SYN3: variants seen among roughly 807,000 people sequenced by gnomAD.
The protein encoded by SYN3 is synapsin III.
A neutral mutation model predicts 65.8 loss-of-function variants in SYN3; 35 were observed. The ratio of observed to expected loss-of-function variants is 0.53; its 90% CI spans 0.41 to 0.70. The LOEUF is 0.70. Among genes scored for constraint, SYN3 ranks in the 30% least tolerant of loss-of-function variants. The pLI is 0.00. For missense variants in SYN3, 680 were observed against 749.0 expected, an observed-to-expected ratio of 0.91 and a Z score of 1.08; for synonymous variants, 270 against 292.9, an observed-to-expected ratio of 0.92 and a Z score of 0.80.
chr22:32,792,325 A>T (rs539770474), intron 6 of SYN3, among the ~76,000 whole-genome samples: 1 of 152,270 alleles, frequency 6.6e-6, no homozygotes, highest in South Asian at 2.1e-4. Flanking sequence ...ATTCCATGGG[A>T]AATTTTGAGA....
intron 6 of SYN3, among the ~76,000 whole-genome samples, chr22:32,824,607 G>A (rs1176022508): frequency 1.3e-5 from 2 of 152,192 alleles, no homozygotes; most frequent in African/African-American, 4.8e-5. Context: ...TTGAACTCAG[G>A]CTGGTTAGAG....
intron 12 of SYN3, chr22:32,518,619 ATAGCT>A (rs1018923635): frequency 9.4e-6 from 5 of 533,786 alleles, no homozygotes; most frequent in African/African-American, 3.8e-5. Flanking sequence ...GCTGAACAAA[ATAGCT>A]TAGAATACAG....
intron 6 of SYN3, among the ~76,000 whole-genome samples, chr22:32,656,083 C>A (rs1315201046): frequency 2.0e-5 from 3 of 152,202 alleles, no homozygotes; most frequent in Non-Finnish European, 2.9e-5. Flanking sequence ...GTGGTAGATG[C>A]ACAAAAACCA....
intron 7 of SYN3, among the ~76,000 whole-genome samples, chr22:32,556,358 G>A (rs2058495406): frequency 3.9e-5 from 6 of 152,112 alleles, no homozygotes; most frequent in Admixed American, 1.3e-4. Context: ...TCTCCCACGT[G>A]ATTTTCACAT....
At chr22:33,056,813 T>C (rs1465008825) in intron 1 of SYN3, among the ~76,000 whole-genome samples, 1 of 151,404 alleles carries the variant, frequency 6.6e-6, no homozygotes, top group African/African-American at 2.4e-5. Flanking sequence ...GCCCTTGTTC[T>C]TTCTACTACA....
chr22:32,797,981 G>A (rs2046469862), intron 6 of SYN3, among the ~76,000 whole-genome samples: 2 of 152,196 alleles, frequency 1.3e-5, no homozygotes, highest in East Asian at 1.9e-4. Flanking sequence ...GCAACATTGG[G>A]AACAAATCTC....
chr22:32,663,867 A>T (rs2147021953), intron 6 of SYN3, among the ~76,000 whole-genome samples: 1 of 152,328 alleles, frequency 6.6e-6, no homozygotes, highest in Admixed American at 6.5e-5. Context: ...CAGCATTATG[A>T]CAAGTCAAGA....
chr22:32,750,729 C>G (rs1205174069), intron 6 of SYN3, among the ~76,000 whole-genome samples: 1 of 152,130 alleles, frequency 6.6e-6, no homozygotes, highest in Admixed American at 6.5e-5. Context: ...CTGGAGGGAT[C>G]TGGACCTTGG....
At chr22:33,045,778 T>G (rs2054053441) in intron 1 of SYN3, among the ~76,000 whole-genome samples, 1 of 151,980 alleles carries the variant, frequency 6.6e-6, no homozygotes, top group Non-Finnish European at 1.5e-5. Flanking sequence ...TCTCACTTCT[T>G]TCACCCCAAG....
intron 10 of SYN3, among the ~76,000 whole-genome samples, chr22:32,532,507 C>T (rs1366219806): frequency 6.6e-6 from 1 of 152,298 alleles, no homozygotes; most frequent in Non-Finnish European, 1.5e-5. Context: ...GAGAGCTGTT[C>T]TCCAGAGTGG....
chr22:32,826,484 T>C (rs1035681879), intron 6 of SYN3, among the ~76,000 whole-genome samples: 2 of 151,904 alleles, frequency 1.3e-5, no homozygotes, highest in East Asian at 3.9e-4. Context: ...TGTAAGAAAA[T>C]AAAGAGCATG....
chr22:32,666,845 G>A (rs1259789233), intron 6 of SYN3, among the ~76,000 whole-genome samples: 1 of 152,106 alleles, frequency 6.6e-6, no homozygotes, highest in Non-Finnish European at 1.5e-5. Flanking sequence ...TGTGGTCTAG[G>A]TAACGTGATG....
intron 6 of SYN3, among the ~76,000 whole-genome samples, chr22:32,745,507 G>A (rs2044905162): frequency 6.6e-6 from 1 of 152,182 alleles, no homozygotes; most frequent in Non-Finnish European, 1.5e-5. Context: ...TTGGGCAGGG[G>A]CCTTGTCAGA....
At chr22:32,739,354 CTG>C (rs1388374288) in intron 6 of SYN3, among the ~76,000 whole-genome samples, 5 of 146,750 alleles carry the variant, frequency 3.4e-5, no homozygotes, top group African/African-American at 1.3e-4. Flanking sequence ...CCACATGGAA[CTG>C]TGAGTCCATT....
chr22:32,804,019 T>C (rs950268158), intron 6 of SYN3, among the ~76,000 whole-genome samples: 1 of 152,168 alleles, frequency 6.6e-6, no homozygotes, highest in African/African-American at 2.4e-5. Context: ...GTCTGAGCAA[T>C]GCAGAAAGTT....
intron 4 of SYN3, chr22:32,930,876 G>A (rs2050609557): frequency 6.5e-6 from 1 of 152,700 alleles, no homozygotes; most frequent in Non-Finnish European, 1.5e-5. Context: ...ACAGATTTCT[G>A]AACATATTAT....
chr22:32,700,572 A>T (rs2060798099), intron 6 of SYN3, among the ~76,000 whole-genome samples: 1 of 152,192 alleles, frequency 6.6e-6, no homozygotes, highest in South Asian at 2.1e-4. Flanking sequence ...CCCAACAGCT[A>T]TTGTCCCTTT....
chr22:33,002,740 T>C (rs547300214), intron 2 of SYN3, among the ~76,000 whole-genome samples: 1 of 152,324 alleles, frequency 6.6e-6, no homozygotes, highest in East Asian at 1.9e-4. Context: ...AATGAGTGTA[T>C]ATACATGCAC....
At chr22:33,009,751 AACACACACACACACACAC>A (rs58156623) in intron 1 of SYN3, among the ~76,000 whole-genome samples, 96 of 141,242 alleles carry the variant, frequency 6.8e-4, no homozygotes, top group Non-Finnish European at 1.2e-3. Context: ...TACGTATCTA[AACACACACACACACACAC>A]ACACACACAC....
Sources: gnomAD v4.1 joint callset for allele counts (sites outside exome capture counted in the v4.1 genomes callset) on GRCh38, gnomAD v4.1.1 for gene constraint, MANE v1.5 for transcripts, NCBI Gene and HGNC (gene_info 2026-07-23, HGNC 2026-07-21) for gene names.